The following NKAIN2 variants were observed in gnomAD, a reference collection of about 807,000 sequenced individuals.
NKAIN2 encodes sodium/potassium-transporting ATPase subunit beta-1-interacting protein 2.
A neutral mutation model predicts 32.6 loss-of-function variants in NKAIN2; 14 were observed. The observed-to-expected ratio is 0.43, with a 90% confidence interval of 0.28 to 0.67. The LOEUF (loss-of-function observed/expected upper bound fraction) is 0.67. Among genes scored for constraint, NKAIN2 ranks in the 30% least tolerant of loss-of-function variants. The pLI, the probability that NKAIN2 is intolerant of heterozygous loss-of-function variation, is 0.17. For missense variants in NKAIN2, 198 were observed against 258.3 expected, an observed-to-expected ratio of 0.77 and a Z score of 1.60; for synonymous variants, 80 against 87.2, an observed-to-expected ratio of 0.92 and a Z score of 0.46.
chr6:123,860,036 TTTAG>T (rs1775720512), intron 1 of NKAIN2, among the ~76,000 whole-genome samples: 2 of 152,122 alleles, frequency 1.3e-5, no homozygotes, highest in Admixed American at 1.3e-4. Context: ...AATGTCCCCT[TTTAG>T]TTAGTTAGCA....
intron 3 of NKAIN2, among the ~76,000 whole-genome samples, chr6:124,559,767 C>T (rs1780616137): frequency 6.7e-6 from 1 of 149,554 alleles, no homozygotes; most frequent in Admixed American, 6.8e-5. Flanking sequence ...CTGAGGACTA[C>T]AGAAAGTGGA....
At chr6:124,405,413 A>T (rs986171671) in intron 3 of NKAIN2, among the ~76,000 whole-genome samples, 5 of 152,160 alleles carry the variant, frequency 3.3e-5, no homozygotes, top group African/African-American at 1.2e-4. Context: ...TTCCTTCCCT[A>T]TCTAGAAATG....
chr6:124,238,657 G>A (rs1792910085), intron 1 of NKAIN2, among the ~76,000 whole-genome samples: 1 of 152,040 alleles, frequency 6.6e-6, no homozygotes, highest in African/African-American at 2.4e-5. Context: ...ATTGGGACTG[G>A]TTAGACAGTG....
Position 123,964,519 on chromosome 6 carries a change from A to G in NKAIN2, c.54+160265A>G, listed in dbSNP as rs1238169140. On this transcript the variant is annotated intron_variant, in intron 1 of 6. Transcript: ENST00000368417. This position sits in a 1 kb window ranked among gnomAD's most constrained non-coding sequence, Gnocchi z 4.0. ...AAACTAAGTTCCTTCTCATCTCTAT[A>G]TCATCTCATTTCTATATCATATTAT... Among the ~76,000 whole-genome samples the G allele has an allele frequency of 6.6e-6, 1 of 152,276 alleles. No individual in the cohort carries two copies. Among genetic ancestry groups the G allele is most frequent in the African/African-American group, 2.4e-5 (1 of 41,564 alleles).
intron 3 of NKAIN2, among the ~76,000 whole-genome samples, chr6:124,366,198 G>A (rs955385914): frequency 2.0e-5 from 3 of 151,986 alleles, no homozygotes; most frequent in African/African-American, 7.2e-5. Context: ...GCTTTTTAGT[G>A]TTTATAAAAT....
At chr6:124,609,417 G>GAGAAGT (rs113510669) in intron 3 of NKAIN2, among the ~76,000 whole-genome samples, 4 of 151,992 alleles carry the variant, frequency 2.6e-5, no homozygotes, top group Admixed American at 1.3e-4. Flanking sequence ...TCGGGATGAA[G>GAGAAGT]TGTAGCATCT....
intron 2 of NKAIN2, among the ~76,000 whole-genome samples, chr6:124,324,714 T>G (rs185129023): frequency 1.6e-3 from 200 of 126,996 alleles, no homozygotes; most frequent in Non-Finnish European, 2.2e-3. Context: ...TTTTGGAAGT[T>G]TTTTTTTTAT....
At chr6:123,975,379 A>C (rs1778517117) in intron 1 of NKAIN2, among the ~76,000 whole-genome samples, 1 of 152,196 alleles carries the variant, frequency 6.6e-6, no homozygotes. Context: ...TTATACAAAA[A>C]CTGAAGGATT....
chr6:124,778,858 C>G (rs1385801195), intron 4 of NKAIN2, among the ~76,000 whole-genome samples: 1 of 152,122 alleles, frequency 6.6e-6, no homozygotes, highest in African/African-American at 2.4e-5. Flanking sequence ...ACATTAAAAA[C>G]TACCTTCCTT....
intron 4 of NKAIN2, among the ~76,000 whole-genome samples, chr6:124,719,381 T>G (rs906841598): frequency 1.3e-5 from 2 of 152,192 alleles, no homozygotes; most frequent in Admixed American, 1.3e-4. Flanking sequence ...TACTTATCAC[T>G]ATATGACTAT....
At chr6:124,107,057 G>C (rs1011771970) in intron 1 of NKAIN2, among the ~76,000 whole-genome samples, 1 of 152,158 alleles carries the variant, frequency 6.6e-6, no homozygotes, top group Non-Finnish European at 1.5e-5. Flanking sequence ...GGCCTCGGGA[G>C]TTGTTGACAT....
At chr6:124,688,614 A>T (rs1393045682) in intron 4 of NKAIN2, among the ~76,000 whole-genome samples, 1 of 152,046 alleles carries the variant, frequency 6.6e-6, no homozygotes, top group Non-Finnish European at 1.5e-5. Flanking sequence ...AAAATTCACC[A>T]TGCTATGTCT....
At chr6:124,727,254 G>C (rs1480969705) in intron 4 of NKAIN2, among the ~76,000 whole-genome samples, 4 of 151,846 alleles carry the variant, frequency 2.6e-5, no homozygotes, top group Non-Finnish European at 5.9e-5. Flanking sequence ...ACACATAATT[G>C]TCAGATTCAC....
chr6:124,681,236 T>C (rs1049448656), intron 4 of NKAIN2, among the ~76,000 whole-genome samples: 7 of 152,044 alleles, frequency 4.6e-5, no homozygotes, highest in African/African-American at 1.7e-4. Context: ...CCTAGGGCTC[T>C]ACTTATATAT....
chr6:124,120,989 G>A (rs1354776498), intron 1 of NKAIN2, among the ~76,000 whole-genome samples: 4 of 152,096 alleles, frequency 2.6e-5, no homozygotes, highest in Admixed American at 2.6e-4. Flanking sequence ...CAGTCCCTGA[G>A]GGTACTGATT....
intron 3 of NKAIN2, among the ~76,000 whole-genome samples, chr6:124,583,086 T>C (rs888165092): frequency 3.3e-5 from 5 of 152,060 alleles, no homozygotes; most frequent in African/African-American, 1.2e-4. Flanking sequence ...TTCTTGCCAC[T>C]ATTATTCAAC....
intron 3 of NKAIN2, among the ~76,000 whole-genome samples, chr6:124,626,646 C>T (rs1489183779): frequency 6.6e-6 from 1 of 152,132 alleles, no homozygotes; most frequent in Non-Finnish European, 1.5e-5. Context: ...CAACTGAAAG[C>T]CGCCCTCTAT....
At chr6:124,764,790 A>C (rs903095664) in intron 4 of NKAIN2, among the ~76,000 whole-genome samples, 2 of 152,128 alleles carry the variant, frequency 1.3e-5, no homozygotes, top group Non-Finnish European at 2.9e-5. Context: ...TTTACCCTGG[A>C]GTCAGAACAG....
chr6:124,353,756 A>G (rs1213397753), intron 2 of NKAIN2, among the ~76,000 whole-genome samples: 2 of 151,518 alleles, frequency 1.3e-5, no homozygotes, highest in East Asian at 3.9e-4. Context: ...CTCCGTCTCA[A>G]AAAAAAAAGA....
Sources: gnomAD v4.1 joint callset for allele counts (sites outside exome capture counted in the v4.1 genomes callset) on GRCh38, gnomAD v4.1.1 for gene constraint, Gnocchi (gnomAD v3.1) non-coding constraint, MANE v1.5 for transcripts, NCBI Gene and HGNC (gene_info 2026-07-23, HGNC 2026-07-21) for gene names.